The following SCFD1 variants were observed in gnomAD, a reference collection of about 807,000 sequenced individuals.
The protein encoded by SCFD1 is sec1 family domain-containing protein 1.
In SCFD1, 37 loss-of-function variants were observed where a neutral mutation model predicts 103.2. The ratio of observed to expected loss-of-function variants is 0.36; its 90% CI spans 0.28 to 0.47. SCFD1 has a LOEUF of 0.47. Ranked by LOEUF, SCFD1 falls within the 20% of genes least tolerant of loss-of-function variation. SCFD1 has a pLI of 1.00. For synonymous variants in SCFD1, 264 were observed against 245.0 expected (o/e 1.08, Z -0.73); for missense variants, 639 against 761.2 (o/e 0.84, Z 1.89).
At chr14:30,647,107 T>C (rs1198587957) in intron 7 of SCFD1, among the ~76,000 whole-genome samples, 1 of 152,172 alleles carries the variant, frequency 6.6e-6, no homozygotes. Context: ...ATGTAGATTG[T>C]CTAAAATTTT....
At chr14:30,648,923 G>C (rs1297123788) in intron 7 of SCFD1, among the ~76,000 whole-genome samples, 1 of 148,336 alleles carries the variant, frequency 6.7e-6, no homozygotes, top group Non-Finnish European at 1.5e-5. Context: ...AGCCATGACT[G>C]CACCACTACA....
intron 15 of SCFD1, 63 bp downstream of exon 15, chr14:30,694,932 T>A (rs1890590867): frequency 6.5e-7 from 1 of 1,539,392 alleles, no homozygotes; most frequent in Admixed American, 2.3e-5. Flanking sequence ...CATTTTCAAT[T>A]GAGTAAACTT....
chr14:30,672,485 A>G (rs1888644927), intron 11 of SCFD1, among the ~76,000 whole-genome samples: 1 of 152,142 alleles, frequency 6.6e-6, no homozygotes, highest in Admixed American at 6.5e-5. Context: ...TTCACTGTTA[A>G]TGAGACATGA....
chr14:30,664,988 G>C (rs899145180), intron 10 of SCFD1, among the ~76,000 whole-genome samples: 1 of 152,194 alleles, frequency 6.6e-6, no homozygotes, highest in African/African-American at 2.4e-5. Flanking sequence ...TATTATCCAG[G>C]AGAACTTCCC....
At chr14:30,715,870 T>C in intron 19 of SCFD1, 54 bp from the exon 20 acceptor site, 2 of 961,088 alleles carry the variant, frequency 2.1e-6, no homozygotes, top group Non-Finnish European at 3.2e-6. Flanking sequence ...GTTGTTTTAA[T>C]AGAGAAGAAC....
chr14:30,731,773 T>C (rs1032099459), intron 23 of SCFD1, among the ~76,000 whole-genome samples: 1 of 152,218 alleles, frequency 6.6e-6, no homozygotes, highest in African/African-American at 2.4e-5. Context: ...TGGGGTTTTC[T>C]AGATATACAA....
At chr14:30,710,257 A>G (rs1594746648) in intron 19 of SCFD1, among the ~76,000 whole-genome samples, 2 of 151,466 alleles carry the variant, frequency 1.3e-5, no homozygotes, top group Middle Eastern at 3.4e-3. Context: ...CTCACTTACA[A>G]AAGTAAAATT....
chr14:30,683,001 G>A, intron 14 of SCFD1: 1 of 1,004,212 alleles, frequency 1.0e-6, no homozygotes, highest in African/African-American at 1.7e-5. Context: ...ACCATCTAAG[G>A]AAAAGTTAAA....
chr14:30,652,165 A>G (rs1886454299), intron 9 of SCFD1, among the ~76,000 whole-genome samples: 1 of 152,176 alleles, frequency 6.6e-6, no homozygotes, highest in Non-Finnish European at 1.5e-5. Flanking sequence ...GAAGAGTGTA[A>G]TGAGTTAATT....
chr14:30,650,063 T>C (rs770187561), intron 8 of SCFD1, among the ~76,000 whole-genome samples: 2 of 152,180 alleles, frequency 1.3e-5, no homozygotes, highest in African/African-American at 4.8e-5. Context: ...AGAGAAATTA[T>C]AGAATTACTG....
chr14:30,683,478 A>G, intron 14 of SCFD1: 1 of 410,754 alleles, frequency 2.4e-6, no homozygotes, highest in Non-Finnish European at 4.7e-6. Flanking sequence ...GCCACACATT[A>G]TGAGTCATGA....
At chr14:30,674,105 AG>A in intron 13 of SCFD1, 108 bp downstream of exon 13, 1 of 708,400 alleles carries the variant, frequency 1.4e-6, no homozygotes, top group Admixed American at 2.8e-5. Flanking sequence ...TGTAGGCAAT[AG>A]CAAATATAAC....
At chr14:30,695,516 G>A (rs1234190080) in intron 15 of SCFD1, among the ~76,000 whole-genome samples, 1 of 152,040 alleles carries the variant, frequency 6.6e-6, no homozygotes, top group East Asian at 1.9e-4. Context: ...AGAGGTGGAG[G>A]GATGAAGGGA....
At position 30,707,681 on chromosome 14, in the gene SCFD1, G is replaced by GC. The variant is rs1891566195; in HGVS notation, c.1554-308dup. ...AGGAATTCTCTTCAAATTATAACTCGCAAAAAAAAAATATAGCTAAGACTA... is the reference window on the plus strand; with the variant it reads ...AGGAATTCTCTTCAAATTATAACTCGCCAAAAAAAAAATATAGCTAAGACTA... On this transcript the variant is annotated intron_variant, in intron 18 of 24. Transcript: ENST00000458591. 9 of 337,020 alleles carry GC rather than the reference G, an allele frequency of 2.7e-5. 1 individual carries two copies. Among genetic ancestry groups the GC allele is most frequent in the South Asian group, 2.3e-4 (9 of 38,478 alleles). 20.9% of individuals were successfully genotyped at this position (337,020 alleles called of 1,614,324 possible).
At chr14:30,698,319 G>C (rs1890837163) in intron 15 of SCFD1, among the ~76,000 whole-genome samples, 3 of 152,234 alleles carry the variant, frequency 2.0e-5, no homozygotes, top group Admixed American at 6.5e-5. Flanking sequence ...TGGTTTCCCT[G>C]TGGTTATGTC....
intron 14 of SCFD1, chr14:30,675,315 C>T: frequency 1.0e-5 from 3 of 289,550 alleles, no homozygotes; most frequent in Non-Finnish European, 1.9e-5. Context: ...TATTATATTG[C>T]ACTGCCTCAA....
At chr14:30,647,592 TTTG>T (rs923384582) in intron 7 of SCFD1, among the ~76,000 whole-genome samples, 29 of 152,124 alleles carry the variant, frequency 1.9e-4, no homozygotes, top group African/African-American at 6.5e-4. Flanking sequence ...CCTCATATGG[TTTG>T]TTGTTGTTGT....
At chr14:30,689,791 T>C (rs1890100257) in intron 14 of SCFD1, among the ~76,000 whole-genome samples, 1 of 139,548 alleles carries the variant, frequency 7.2e-6, no homozygotes, top group South Asian at 2.4e-4. Context: ...AATTTGATCG[T>C]CTGAAGCCTT....
intron 13 of SCFD1, 29 bp from the exon 14 acceptor site, chr14:30,674,955 G>T (rs1888900082): frequency 3.6e-6 from 5 of 1,380,416 alleles, no homozygotes; most frequent in Non-Finnish European, 3.0e-6. Flanking sequence ...AAATTTATTG[G>T]TTAATATTTA....
Sources: allele counts gnomAD v4.1 joint callset (sites outside exome capture counted in the v4.1 genomes callset), GRCh38; gene constraint gnomAD v4.1.1; transcripts MANE v1.5; gene names NCBI Gene and HGNC (gene_info 2026-07-23, HGNC 2026-07-21).